The following FBXW11 variants were observed in gnomAD, a reference collection of about 807,000 sequenced individuals.
The protein encoded by FBXW11 is F-box and WD repeat domain containing 11.
FBXW11 carries 19 observed loss-of-function variants against 77.6 expected under a neutral mutation model. That is an observed-to-expected ratio of 0.24 (90% CI 0.17 to 0.36). FBXW11 has a LOEUF of 0.36. Among genes scored for constraint, FBXW11 ranks in the 10% least tolerant of loss-of-function variants. The probability of loss-of-function intolerance (pLI) is 1.00; values close to 1 mark genes in which losing one functional copy is unlikely to be tolerated. For missense variants in FBXW11, 334 were observed against 704.2 expected (o/e 0.47, Z 5.95); for synonymous variants, 235 against 249.4 (o/e 0.94, Z 0.54).
In FBXW11 at chr5:172,006,569, C is replaced by T. The variant is rs1766793365; in HGVS notation, c.-67G>A. 3.5e-6 allele frequency: 5 copies of T among 1,432,498 alleles called. No homozygotes were observed. Among genetic ancestry groups the T allele is most frequent in the Admixed American group, 2.9e-5 (1 of 34,818 alleles). The allele number at this position is 1,432,498 out of a possible 1,614,324, so 88.7% of individuals were successfully genotyped here. On this transcript the variant is annotated 5_prime_UTR_variant, in exon 1 of 14. Transcript: ENST00000517395. Reference sequence around the variant, plus strand: ...CGAACGGCCCGGGCGGAGGAGGCGACGGCGGAGGCGGCAGAGGCGGAGGCG... The same window carrying T: ...CGAACGGCCCGGGCGGAGGAGGCGATGGCGGAGGCGGCAGAGGCGGAGGCG...
chr5:171,955,242 A>G (rs544889126), intron 2 of FBXW11, among the ~76,000 whole-genome samples: 1 of 152,332 alleles, frequency 6.6e-6, no homozygotes, highest in East Asian at 1.9e-4. Flanking sequence ...AGCCATATAG[A>G]CAGGTCAATG....
intron 7 of FBXW11, among the ~76,000 whole-genome samples, chr5:171,890,786 G>C (rs768456367): frequency 6.6e-6 from 1 of 152,126 alleles, no homozygotes; most frequent in South Asian, 2.1e-4. Flanking sequence ...GATAAGAAAC[G>C]GGCAGGACAA....
At chr5:171,963,900 T>C (rs527558576) in intron 1 of FBXW11, among the ~76,000 whole-genome samples, 8 of 152,328 alleles carry the variant, frequency 5.3e-5, no homozygotes, top group African/African-American at 1.9e-4. Flanking sequence ...GATGTTTTTA[T>C]AGATATTATA....
intron 1 of FBXW11, among the ~76,000 whole-genome samples, chr5:171,967,472 T>A (rs1250791080): frequency 6.6e-6 from 1 of 152,156 alleles, no homozygotes; most frequent in Admixed American, 6.5e-5. Context: ...ACGGAAAGAA[T>A]TCAAGAAACA....
At chr5:171,998,365 G>C (rs987745135) in intron 1 of FBXW11, among the ~76,000 whole-genome samples, 1 of 105,956 alleles carries the variant, frequency 9.4e-6, no homozygotes, top group African/African-American at 8.7e-5. Flanking sequence ...AGTAGAGACA[G>C]GGTTTCACCA....
At chr5:171,990,881 A>G (rs1164784214) in intron 1 of FBXW11, among the ~76,000 whole-genome samples, 2 of 152,094 alleles carry the variant, frequency 1.3e-5, no homozygotes, top group Non-Finnish European at 2.9e-5. Flanking sequence ...CTGGAGTACA[A>G]TGACACAATC....
intron 4 of FBXW11, among the ~76,000 whole-genome samples, chr5:171,905,578 G>C (rs1760435447): frequency 7.0e-6 from 1 of 142,244 alleles, no homozygotes; most frequent in African/African-American, 2.6e-5. Context: ...ATCTCCTCCA[G>C]CAAAAAGCTA....
intron 2 of FBXW11, among the ~76,000 whole-genome samples, chr5:171,934,273 G>T (rs1486374155): frequency 6.6e-6 from 1 of 152,002 alleles, no homozygotes; most frequent in African/African-American, 2.4e-5. Flanking sequence ...CCAAAAACCA[G>T]AAGAAATGTA....
intron 13 of FBXW11, among the ~76,000 whole-genome samples, chr5:171,867,464 A>C (rs1221209091): frequency 1.3e-5 from 2 of 151,976 alleles, no homozygotes; most frequent in Non-Finnish European, 2.9e-5. Flanking sequence ...GGAAAAAAAA[A>C]AACTTAATGG....
rs1020108014 is a variant in FBXW11 at position 171,904,634 on chromosome 5, G to A, written c.437-4534C>T. Among the ~76,000 whole-genome samples, 1 of 151,896 alleles carries A rather than the reference G, an allele frequency of 6.6e-6. No individual in the cohort carries two copies. The highest frequency in any genetic ancestry group is 1.5e-5 in the Non-Finnish European group (1 of 67,952). On this transcript the variant is annotated intron_variant, in intron 4 of 13. Transcript: ENST00000517395. This position sits in a 1 kb window ranked among gnomAD's most constrained non-coding sequence, Gnocchi z 4.0. ...GTCGCCAGTATGGAGTGCAGTGGTG[G>A]GATCTCAGCTCACTGCAACCTCCAC...
intron 9 of FBXW11, 88 bp from the exon 10 acceptor site, chr5:171,873,078 T>G (rs2113763935): frequency 9.4e-7 from 1 of 1,065,056 alleles, no homozygotes; most frequent in Non-Finnish European, 1.4e-6. Context: ...GAGCTTCTGA[T>G]AATGACCCAA....
At chr5:171,867,491 TAA>T (rs10671329) in intron 13 of FBXW11, among the ~76,000 whole-genome samples, 3 of 137,960 alleles carry the variant, frequency 2.2e-5, no homozygotes, top group South Asian at 2.3e-4. Context: ...AGAGACTAAT[TAA>T]AAAAAAAAAA....
At chr5:171,916,317 G>T in intron 2 of FBXW11, 1 of 294,158 alleles carries the variant, frequency 3.4e-6, no homozygotes, top group East Asian at 1.8e-4. Context: ...TCTAATTTCA[G>T]AGATTTTGAC....
chr5:171,924,759 C>T (rs948086578), intron 2 of FBXW11, among the ~76,000 whole-genome samples: 3 of 145,302 alleles, frequency 2.1e-5, no homozygotes, highest in Non-Finnish European at 4.5e-5. Context: ...GGCTGAAACA[C>T]GTCCCACCCC....
intron 4 of FBXW11, among the ~76,000 whole-genome samples, chr5:171,902,574 A>G (rs932260973): frequency 6.6e-6 from 1 of 152,202 alleles, no homozygotes; most frequent in African/African-American, 2.4e-5. Flanking sequence ...TTTAATAGCT[A>G]AATCCCCCAA....
At chr5:171,996,829 T>C (rs185281125) in intron 1 of FBXW11, 13,122 of 1,141,488 alleles carry the variant, frequency 0.011, 92 homozygotes, top group Non-Finnish European at 0.013. Flanking sequence ...AAAATATTTT[T>C]CAAAATTTCT....
chr5:171,952,449 T>TATATATATA (rs1561716455), intron 2 of FBXW11, among the ~76,000 whole-genome samples: 16 of 10,926 alleles, frequency 1.5e-3, no homozygotes, highest in East Asian at 9.6e-3. Context: ...ATATATATAT[T>TATATATATA]TTTTTTTTTT....
chr5:171,957,687 T>G lies in FBXW11; in HGVS notation c.57A>C (p.Pro19=), dbSNP rs749066752. ...DKTIELMCSV[P]RSLWLGCANL... ...TGGCGCAGCCTAGCCACAAAGACCT[T>G]GGCACAGAACACTGCAGGATGACAA... The change falls in exon 2 of 14, where the codon CCA becomes CCC. Residue 19 remains proline, a synonymous_variant. Transcript: ENST00000517395. 6.2e-7 allele frequency: 1 copy of G among 1,613,944 alleles called. No individual in the cohort carries two copies. Among genetic ancestry groups the G allele is most frequent in the Non-Finnish European group, 8.5e-7 (1 of 1,179,922 alleles).
chr5:171,880,425 T>C (rs1429955590), intron 7 of FBXW11, among the ~76,000 whole-genome samples: 1 of 152,174 alleles, frequency 6.6e-6, no homozygotes, highest in Non-Finnish European at 1.5e-5. Flanking sequence ...TTTTTGCTTG[T>C]CCATATAAAC....
Sources: gnomAD v4.1 joint callset for allele counts (sites outside exome capture counted in the v4.1 genomes callset) on GRCh38, gnomAD v4.1.1 for gene constraint, Gnocchi (gnomAD v3.1) non-coding constraint, MANE v1.5 for transcripts, NCBI Gene and HGNC (gene_info 2026-07-23, HGNC 2026-07-21) for gene names.